The following SLCO4C1 variants were observed in gnomAD, a reference collection of about 807,000 sequenced individuals.
SLCO4C1 encodes the protein solute carrier organic anion transporter family member 4C1.
A neutral mutation model predicts 72.1 loss-of-function variants in SLCO4C1; 58 were observed. That is an observed-to-expected ratio of 0.80 (90% confidence interval 0.65 to 1.00). The LOEUF is 1.00. SLCO4C1 is among the 50% of genes least tolerant of loss of function. The probability of loss-of-function intolerance (pLI) is 0.00; values close to 1 mark genes in which losing one functional copy is unlikely to be tolerated. For synonymous variants in SLCO4C1, 297 were observed against 312.5 expected (o/e 0.95, Z 0.52); for missense variants, 898 against 857.9 (o/e 1.05, Z -0.58).
chr5:102,257,929 A>G lies in SLCO4C1; in HGVS notation c.1273+14T>C, dbSNP rs751797099. On this transcript the variant is annotated intron_variant, in intron 7 of 12. Coordinates refer to ENST00000310954, the MANE Select transcript of SLCO4C1 (RefSeq NM_180991.5). ...AAGTAAAATTTTTAGGTTAAGATAA[A>G]GAAAATGTTTTACCTCCAAGAGTAG... is the stretch of plus-strand genomic sequence containing the variant. The G allele has an allele frequency of 1.3e-6, 2 of 1,594,066 alleles. No individual in the cohort carries two copies. Among genetic ancestry groups the G allele is most frequent in the Non-Finnish European group, 1.7e-6 (2 of 1,174,146 alleles).
intron 2 of SLCO4C1, among the ~76,000 whole-genome samples, chr5:102,271,096 G>C (rs768059747): frequency 6.6e-6 from 1 of 151,822 alleles, no homozygotes; most frequent in Non-Finnish European, 1.5e-5. Context: ...ACACATTTAC[G>C]TGTTGTATAC....
rs1329851448 is a variant in SLCO4C1 at position 102,239,344 on chromosome 5, T to C, written c.1921A>G (p.Thr641Ala). 3 of 1,601,860 alleles carry C rather than the reference T, an allele frequency of 1.9e-6. No individual in the cohort carries two copies. Among genetic ancestry groups the C allele is most frequent in the South Asian group, 1.1e-5 (1 of 88,094 alleles). Reference sequence around the variant, plus strand: ...TCATTTATATCCCAAAGAATACATGTGCTGTCTATTGTGAAACCAAATATA... The same window carrying C: ...TCATTTATATCCCAAAGAATACATGCGCTGTCTATTGTGAAACCAAATATA... ...PIIFGFTIDS[T>A]CILWDINDCG... Residue 641 changes from threonine to alanine, a missense_variant, in exon 12 of 13, where the codon ACA becomes GCA. Transcript: ENST00000310954.
At chr5:102,240,163 G>T (rs1014055364) in intron 11 of SLCO4C1, among the ~76,000 whole-genome samples, 1 of 151,946 alleles carries the variant, frequency 6.6e-6, no homozygotes, top group African/African-American at 2.4e-5. Context: ...GAAAAAATTG[G>T]CAAGTTGGAC....
At chr5:102,256,031 C>T (rs1183674005) in intron 8 of SLCO4C1, among the ~76,000 whole-genome samples, 1 of 152,114 alleles carries the variant, frequency 6.6e-6, no homozygotes, top group Admixed American at 6.5e-5. Context: ...CAGGGCGAAA[C>T]CCCACGTCTA....
chr5:102,242,604 G>A (rs75277447), intron 10 of SLCO4C1, among the ~76,000 whole-genome samples: 2 of 152,270 alleles, frequency 1.3e-5, no homozygotes, highest in East Asian at 3.9e-4. Context: ...TGGGCCAGAA[G>A]GGTGCTTGCT....
At chr5:102,287,088 T>C (rs1749466982) in intron 2 of SLCO4C1, among the ~76,000 whole-genome samples, 1 of 152,164 alleles carries the variant, frequency 6.6e-6, no homozygotes, top group South Asian at 2.1e-4. Flanking sequence ...AATAAAATCA[T>C]TTATTAATAT....
intron 3 of SLCO4C1, among the ~76,000 whole-genome samples, chr5:102,265,285 G>A (rs1478337114): frequency 6.6e-6 from 1 of 152,130 alleles, no homozygotes; most frequent in Non-Finnish European, 1.5e-5. Context: ...ACAATCTGAT[G>A]ATTGTTTCGT....
intron 12 of SLCO4C1, among the ~76,000 whole-genome samples, chr5:102,238,181 T>C (rs560857548): frequency 6.6e-6 from 1 of 152,332 alleles, no homozygotes; most frequent in South Asian, 2.1e-4. Flanking sequence ...AGGTTTTATA[T>C]ATTTTGTGGG....
At chr5:102,283,756 A>C (rs1749398813) in intron 2 of SLCO4C1, among the ~76,000 whole-genome samples, 1 of 152,100 alleles carries the variant, frequency 6.6e-6, no homozygotes, top group African/African-American at 2.4e-5. Context: ...TTTAACATTA[A>C]GAGCCTAATG....
chr5:102,294,509 A>T (rs904504448), intron 1 of SLCO4C1, among the ~76,000 whole-genome samples: 2 of 152,242 alleles, frequency 1.3e-5, no homozygotes, highest in Non-Finnish European at 2.9e-5. Context: ...TTTTGGAATA[A>T]TATAGAAATT....
intron 9 of SLCO4C1, among the ~76,000 whole-genome samples, chr5:102,249,352 A>G (rs1016550084): frequency 1.3e-5 from 2 of 152,160 alleles, no homozygotes; most frequent in Non-Finnish European, 1.5e-5. Flanking sequence ...TCCCCCATGT[A>G]TTGTGAGGGA....
intron 2 of SLCO4C1, among the ~76,000 whole-genome samples, chr5:102,283,065 A>G (rs1441967847): frequency 6.6e-6 from 1 of 151,962 alleles, no homozygotes; most frequent in African/African-American, 2.4e-5. Flanking sequence ...GCTACACCAA[A>G]TGAATTATTT....
chr5:102,237,451 G>A (rs1021935488), intron 12 of SLCO4C1, among the ~76,000 whole-genome samples: 3 of 146,466 alleles, frequency 2.0e-5, no homozygotes, highest in African/African-American at 7.4e-5. Flanking sequence ...AAAAAAAAAA[G>A]TGCAAAATAT....
At chr5:102,282,825 T>C (rs2112392384) in intron 2 of SLCO4C1, among the ~76,000 whole-genome samples, 1 of 152,150 alleles carries the variant, frequency 6.6e-6, no homozygotes, top group Non-Finnish European at 1.5e-5. Flanking sequence ...GTATATACAT[T>C]TTTAAAAGAC....
chr5:102,289,825 C>A (rs1313358747), intron 2 of SLCO4C1, among the ~76,000 whole-genome samples: 1 of 152,212 alleles, frequency 6.6e-6, no homozygotes, highest in Admixed American at 6.5e-5. Context: ...ACTCTCCATT[C>A]ATCCGCTTAC....
intron 5 of SLCO4C1, 94 bp from the exon 6 acceptor site, chr5:102,260,413 C>T (rs1350202276): frequency 8.1e-6 from 2 of 245,694 alleles, no homozygotes; most frequent in African/African-American, 4.8e-5. Context: ...AGTAAACGTG[C>T]TCTATCATTT....
Position 102,271,777 on chromosome 5 carries a change from A to G in SLCO4C1, c.620-971T>C, listed in dbSNP as rs190603761. 4.3e-4 allele frequency among the ~76,000 whole-genome samples: 66 copies of G among 152,192 alleles called. No individual in the cohort carries two copies. The East Asian group carries it at 8.5e-3, about 20-fold the overall frequency. ...TGACTGTTCCTTATTCCATAATTAC[A>G]CAAACAATGGTTTTATCTTAGCATT... is the stretch of plus-strand genomic sequence containing the variant. On this transcript the variant is annotated intron_variant, in intron 2 of 12. Coordinates refer to ENST00000310954, the MANE Select transcript of SLCO4C1 (RefSeq NM_180991.5).
At chr5:102,242,376 G>A (rs1748561481) in intron 10 of SLCO4C1, among the ~76,000 whole-genome samples, 1 of 152,174 alleles carries the variant, frequency 6.6e-6, no homozygotes, top group Non-Finnish European at 1.5e-5. Flanking sequence ...AGACAATGGA[G>A]TCCTGGTATT....
chr5:102,251,124 T>C (rs1307442478), intron 8 of SLCO4C1, among the ~76,000 whole-genome samples: 5 of 152,180 alleles, frequency 3.3e-5, no homozygotes, highest in East Asian at 1.9e-4. Context: ...ATATGAATGA[T>C]GTCTGAGGCA....
Sources: allele counts gnomAD v4.1 joint callset (sites outside exome capture counted in the v4.1 genomes callset), GRCh38; gene constraint gnomAD v4.1.1; transcripts MANE v1.5; gene names NCBI Gene and HGNC (gene_info 2026-07-23, HGNC 2026-07-21).